RPSA2: variants seen among roughly 807,000 people sequenced by gnomAD.
RPSA2 encodes ribosomal protein SA 2.
At chr19:23,784,192 G>T in the RPSA2 span, among the ~76,000 whole-genome samples, 9 of 152,202 alleles carry the variant, frequency 5.9e-5, no homozygotes, top group Non-Finnish European at 1.2e-4. Flanking sequence ...TCTTCTTTCT[G>T]TACAAATGTC....
At chr19:23,858,908 C>T in the RPSA2 span, among the ~76,000 whole-genome samples, 1 of 152,196 alleles carries the variant, frequency 6.6e-6, no homozygotes, top group Non-Finnish European at 1.5e-5. Flanking sequence ...TAGACACTGC[C>T]TCCTGAAGCC....
chr19:23,828,157 A>G, the RPSA2 span: 1 of 649,058 alleles, frequency 1.5e-6, no homozygotes, highest in South Asian at 1.9e-5. Context: ...TTATGAGTCT[A>G]TAAATGACTA....
the RPSA2 span, among the ~76,000 whole-genome samples, chr19:23,805,775 A>G: frequency 2.6e-5 from 4 of 152,114 alleles, no homozygotes; most frequent in Admixed American, 2.0e-4. Flanking sequence ...TTTACTTCTA[A>G]ACTTGTGTTT....
the RPSA2 span, among the ~76,000 whole-genome samples, chr19:23,860,655 A>G: frequency 1.3e-5 from 2 of 152,214 alleles, no homozygotes; most frequent in Non-Finnish European, 2.9e-5. Flanking sequence ...ATGCTAGTCT[A>G]CTAATCCATA....
the RPSA2 span, among the ~76,000 whole-genome samples, chr19:23,858,352 A>G: frequency 6.6e-6 from 1 of 152,104 alleles, no homozygotes; most frequent in African/African-American, 2.4e-5. Context: ...CTTCACCACT[A>G]TGCAATCTAT....
the RPSA2 span, among the ~76,000 whole-genome samples, chr19:23,845,588 C>G: frequency 1.3e-5 from 2 of 152,216 alleles, no homozygotes; most frequent in East Asian, 1.9e-4. Flanking sequence ...GCCTTCCATG[C>G]TCAAGTGATC....
chr19:23,774,062 G>T, the RPSA2 span, among the ~76,000 whole-genome samples: 1 of 152,194 alleles, frequency 6.6e-6, no homozygotes, highest in Non-Finnish European at 1.5e-5. Flanking sequence ...CTGAAAGGAT[G>T]TGACTCTATT....
the RPSA2 span, among the ~76,000 whole-genome samples, chr19:23,848,292 C>T: frequency 8.5e-5 from 13 of 152,286 alleles, no homozygotes; most frequent in East Asian, 2.5e-3. Context: ...ACATCTCTCC[C>T]TTTCTTTTTA....
the RPSA2 span, among the ~76,000 whole-genome samples, chr19:23,759,237 C>T: frequency 6.6e-6 from 1 of 151,990 alleles, no homozygotes; most frequent in East Asian, 1.9e-4. Flanking sequence ...TCTTTTATGA[C>T]CGTCCTGGTT....
At chr19:23,778,812 C>T in the RPSA2 span, among the ~76,000 whole-genome samples, 1 of 152,112 alleles carries the variant, frequency 6.6e-6, no homozygotes, top group South Asian at 2.1e-4. Flanking sequence ...TAAGACTCTT[C>T]ATTTGCCTGG....
At chr19:23,805,668 A>G in the RPSA2 span, among the ~76,000 whole-genome samples, 11 of 152,186 alleles carry the variant, frequency 7.2e-5, no homozygotes, top group Admixed American at 2.0e-4. Flanking sequence ...AGGAGGAGAA[A>G]GAGAAAAAAT....
At chr19:23,784,077 T>G in the RPSA2 span, among the ~76,000 whole-genome samples, 1 of 152,182 alleles carries the variant, frequency 6.6e-6, no homozygotes, top group Non-Finnish European at 1.5e-5. Context: ...ACATATAACT[T>G]GACAAAGCAC....
chr19:23,761,930 T>TCCTTCCTTC, the RPSA2 span, among the ~76,000 whole-genome samples: 2 of 127,442 alleles, frequency 1.6e-5, no homozygotes, highest in Non-Finnish European at 1.6e-5. Context: ...CTTTTTTTTT[T>TCCTTCCTTC]TTTTTGAGAT....
chr19:23,830,443 C>A, the RPSA2 span, among the ~76,000 whole-genome samples: 1 of 152,216 alleles, frequency 6.6e-6, no homozygotes, highest in Non-Finnish European at 1.5e-5. Context: ...CCATGCCTGG[C>A]CTGGCACATC....
chr19:23,851,925 A>G, the RPSA2 span, among the ~76,000 whole-genome samples: 1 of 152,242 alleles, frequency 6.6e-6, no homozygotes. Flanking sequence ...CTTTGAGCCG[A>G]TTTAAATGAA....
At chr19:23,833,026 A>G in the RPSA2 span, 1 of 1,389,256 alleles carries the variant, frequency 7.2e-7, no homozygotes. Context: ...TGCTAACCAT[A>G]AGAGAATTCA....
At chr19:23,794,326 A>G in the RPSA2 span, among the ~76,000 whole-genome samples, 92 of 152,350 alleles carry the variant, frequency 6.0e-4, 1 homozygote, top group Admixed American at 1.0e-3. Flanking sequence ...ACAGCAGTGT[A>G]TAAGTATTCC....
chr19:23,772,444 A>G, the RPSA2 span, among the ~76,000 whole-genome samples: 6 of 152,302 alleles, frequency 3.9e-5, no homozygotes, highest in South Asian at 1.2e-3. Flanking sequence ...GACATATACT[A>G]TAGTCAGCTT....
At chr19:23,809,956 G>A in the RPSA2 span, among the ~76,000 whole-genome samples, 1 of 141,436 alleles carries the variant, frequency 7.1e-6, no homozygotes, top group Non-Finnish European at 1.5e-5. Context: ...TTTATAAACT[G>A]GTTTCAGAGA....
Sources: gnomAD v4.1 joint callset for allele counts (sites outside exome capture counted in the v4.1 genomes callset) on GRCh38, gnomAD v4.1.1 for gene constraint, MANE v1.5 for transcripts, NCBI Gene and HGNC (gene_info 2026-07-23, HGNC 2026-07-21) for gene names.